Variants in NBEA observed in about 807,000 individuals in gnomAD.
NBEA encodes lysosomal-trafficking regulator 2.
A neutral mutation model predicts 343.4 loss-of-function variants in NBEA; 44 were observed. The ratio of observed to expected loss-of-function variants is 0.13; its 90% CI spans 0.10 to 0.16. The LOEUF (loss-of-function observed/expected upper bound fraction) is 0.16. NBEA is among the 10% of genes least tolerant of loss of function. The probability of loss-of-function intolerance (pLI) is 1.00; values close to 1 mark genes in which losing one functional copy is unlikely to be tolerated. For missense variants in NBEA, 2,555 were observed against 3,631.3 expected (o/e 0.70, Z 7.62); for synonymous variants, 1,175 against 1,238.7 (o/e 0.95, Z 1.08).
chr13:35,059,996 G>A (rs1328192307), intron 8 of NBEA, among the ~76,000 whole-genome samples: 1 of 151,600 alleles, frequency 6.6e-6, no homozygotes, highest in African/African-American at 2.4e-5. Context: ...GGGTCTTTTT[G>A]TTGGGTTTGC....
Position 35,171,362 on chromosome 13 carries a change from C to A in NBEA, c.4333C>A (p.Leu1445Ile), listed in dbSNP as rs188102526. 1.4e-5 allele frequency: 22 copies of A among 1,611,876 alleles called. No homozygotes were observed. The Admixed American group carries it at 3.3e-4, about 24-fold the overall frequency. ...CCGGCTGATGGCTATGGTTGATGTA[C>A]TTGTGTTTGCAAGCTCTCTAAATTT... ...LSRLMAMVDVLVFASSLNFSE... is the reference protein window; with the variant it reads ...LSRLMAMVDVIVFASSLNFSE... The change falls in exon 26 of 59, where the codon CTT (leucine) becomes ATT (isoleucine). Residue 1445 changes from leucine to isoleucine, a missense_variant. Physicochemically the swap from Leu to Ile is conservative, Grantham distance 5 (BLOSUM62 2). Coordinates refer to ENST00000379939, the MANE Select transcript of NBEA (RefSeq NM_001385012.1).
At chr13:35,656,804 C>G (rs1276769427) in intron 55 of NBEA, among the ~76,000 whole-genome samples, 1 of 152,144 alleles carries the variant, frequency 6.6e-6, no homozygotes, top group East Asian at 1.9e-4. Context: ...CACAGCACTC[C>G]AAAATAAACT....
chr13:35,147,949 G>T (rs1593508493), intron 18 of NBEA, among the ~76,000 whole-genome samples: 2 of 152,228 alleles, frequency 1.3e-5, no homozygotes, highest in South Asian at 2.1e-4. Flanking sequence ...CCTGTTCTTT[G>T]GCTGTTGCAC....
intron 55 of NBEA, among the ~76,000 whole-genome samples, chr13:35,658,438 T>C (rs2084921005): frequency 6.6e-6 from 1 of 152,180 alleles, no homozygotes; most frequent in Non-Finnish European, 1.5e-5. Context: ...ACCTAAAGTA[T>C]TAGTCAAGCA....
chr13:35,662,682 T>A (rs1163308442), intron 55 of NBEA, among the ~76,000 whole-genome samples: 1 of 152,186 alleles, frequency 6.6e-6, no homozygotes, highest in African/African-American at 2.4e-5. Flanking sequence ...AAATAAAATA[T>A]TTTAAACTCT....
intron 1 of NBEA, among the ~76,000 whole-genome samples, chr13:34,987,186 A>T (rs2060580204): frequency 6.6e-6 from 1 of 150,968 alleles, no homozygotes; most frequent in African/African-American, 2.4e-5. Flanking sequence ...CTTGTAAGGC[A>T]GGCCTGGTGG....
chr13:35,285,649 C>T (rs956799232), intron 34 of NBEA, among the ~76,000 whole-genome samples: 3 of 152,154 alleles, frequency 2.0e-5, no homozygotes, highest in Admixed American at 1.3e-4. Flanking sequence ...TGCCTTGAGT[C>T]TGTCTCTCCT....
intron 36 of NBEA, among the ~76,000 whole-genome samples, chr13:35,327,002 T>C (rs2038608114): frequency 6.6e-6 from 1 of 151,752 alleles, no homozygotes; most frequent in African/African-American, 2.4e-5. Flanking sequence ...AAAGAAGACA[T>C]ACAAGCAGCA....
intron 34 of NBEA, among the ~76,000 whole-genome samples, chr13:35,265,954 C>T (rs1365175200): frequency 2.0e-5 from 3 of 151,850 alleles, no homozygotes; most frequent in African/African-American, 7.2e-5. Flanking sequence ...AACTATACAT[C>T]TAACAAGTGG....
intron 34 of NBEA, among the ~76,000 whole-genome samples, chr13:35,282,045 TG>T (rs1015137398): frequency 6.6e-6 from 1 of 151,728 alleles, no homozygotes; most frequent in African/African-American, 2.4e-5. Context: ...CCCGAGTAGC[TG>T]AGACTACAGG....
At chr13:34,998,067 G>T (rs116139739) in intron 1 of NBEA, among the ~76,000 whole-genome samples, 3 of 152,006 alleles carry the variant, frequency 2.0e-5, no homozygotes, top group African/African-American at 7.3e-5. Context: ...AGTGTTGGCC[G>T]GTCTGAGAAA....
intron 1 of NBEA, among the ~76,000 whole-genome samples, chr13:34,945,866 T>TTTAA (rs921984174): frequency 6.6e-6 from 1 of 152,142 alleles, no homozygotes; most frequent in Admixed American, 6.6e-5. Context: ...AGAGTGAAGT[T>TTTAA]TTAAGCATGC....
intron 47 of NBEA, among the ~76,000 whole-genome samples, chr13:35,598,079 G>A (rs935236659): frequency 6.6e-6 from 1 of 152,136 alleles, no homozygotes; most frequent in African/African-American, 2.4e-5. Flanking sequence ...CTGGTATCTT[G>A]TTGTCTACAT....
chr13:35,407,184 C>T (rs2152913032), intron 38 of NBEA, among the ~76,000 whole-genome samples: 1 of 151,522 alleles, frequency 6.6e-6, no homozygotes, highest in Middle Eastern at 3.4e-3. Flanking sequence ...AGGCTGGTCT[C>T]GAACTCCTGA....
chr13:35,148,981 T>A (rs528497725), intron 18 of NBEA, among the ~76,000 whole-genome samples: 1 of 152,192 alleles, frequency 6.6e-6, no homozygotes, highest in East Asian at 1.9e-4. Flanking sequence ...TACTTAATTT[T>A]TTCTCTATTT....
chr13:35,318,360 A>G (rs377360925), intron 36 of NBEA, among the ~76,000 whole-genome samples: 1 of 152,144 alleles, frequency 6.6e-6, no homozygotes, highest in Non-Finnish European at 1.5e-5. Context: ...TGAGATAATC[A>G]TGTGGTTTTT....
chr13:35,167,539 C>T (rs1265527983), intron 24 of NBEA, among the ~76,000 whole-genome samples: 1 of 151,732 alleles, frequency 6.6e-6, no homozygotes, highest in Non-Finnish European at 1.5e-5. Flanking sequence ...CAGTTTTGCC[C>T]AGATTACTTA....
At chr13:35,308,305 A>T (rs778003031) in intron 35 of NBEA, among the ~76,000 whole-genome samples, 1 of 150,924 alleles carries the variant, frequency 6.6e-6, no homozygotes, top group Admixed American at 6.7e-5. Context: ...CATAGGGGGA[A>T]AAATCTATAG....
chr13:35,636,942 C>T (rs2083716612), intron 49 of NBEA, among the ~76,000 whole-genome samples: 2 of 152,218 alleles, frequency 1.3e-5, no homozygotes, highest in Non-Finnish European at 2.9e-5. Context: ...CAATGAGACT[C>T]TACAGCCTTT....
Sources: allele counts gnomAD v4.1 joint callset (sites outside exome capture counted in the v4.1 genomes callset), GRCh38; gene constraint gnomAD v4.1.1; transcripts MANE v1.5; gene names NCBI Gene and HGNC (gene_info 2026-07-23, HGNC 2026-07-21).